SLCO3A1: variants seen among roughly 807,000 people sequenced by gnomAD.
SLCO3A1 encodes solute carrier organic anion transporter family member 3A1.
Under a neutral mutation model 63.1 loss-of-function variants are expected in SLCO3A1, and 27 were observed. That is an observed-to-expected ratio of 0.43 (90% CI 0.32 to 0.59). The LOEUF is 0.59. Ranked by LOEUF, SLCO3A1 falls within the 20% of genes least tolerant of loss-of-function variation. The pLI is 0.09. For synonymous variants in SLCO3A1, 473 were observed against 409.9 expected, an observed-to-expected ratio of 1.15 and a Z score of -1.86; for missense variants, 773 against 945.8, an observed-to-expected ratio of 0.82 and a Z score of 2.40.
intron 2 of SLCO3A1, among the ~76,000 whole-genome samples, chr15:92,091,955 G>T (rs2047482856): frequency 1.3e-5 from 2 of 152,200 alleles, no homozygotes; most frequent in African/African-American, 4.8e-5. Flanking sequence ...GCTGCCTCAG[G>T]GTGTGGTGTC....
chr15:92,026,791 G>A (rs894749130), intron 2 of SLCO3A1, among the ~76,000 whole-genome samples: 1 of 152,096 alleles, frequency 6.6e-6, no homozygotes, highest in African/African-American at 2.4e-5. Context: ...CCCACCAAAT[G>A]TCTAGCATAG....
At chr15:91,970,452 C>A (rs958336368) in intron 2 of SLCO3A1, among the ~76,000 whole-genome samples, 19 of 152,126 alleles carry the variant, frequency 1.2e-4, no homozygotes, top group African/African-American at 4.6e-4. Flanking sequence ...TTGTGGAGTC[C>A]TCTCCTTTCT....
intron 2 of SLCO3A1, among the ~76,000 whole-genome samples, chr15:91,959,372 A>G (rs1331742681): frequency 1.3e-5 from 2 of 152,100 alleles, no homozygotes; most frequent in Admixed American, 1.3e-4. Context: ...AGAACTGACC[A>G]CTAAAGAACT....
intron 9 of SLCO3A1, 42 bp downstream of exon 9, chr15:92,151,056 C>T (rs765764666): frequency 3.7e-6 from 5 of 1,335,660 alleles, no homozygotes; most frequent in East Asian, 4.6e-5. Flanking sequence ...GAATTGGATG[C>T]TTATTACTAG....
At chr15:92,096,011 A>G (rs1308987598) in intron 3 of SLCO3A1, among the ~76,000 whole-genome samples, 2 of 152,246 alleles carry the variant, frequency 1.3e-5, no homozygotes, top group African/African-American at 4.8e-5. Flanking sequence ...CTAAAACAGC[A>G]GACATTTCTT....
chr15:92,002,312 G>C (rs1409236511), intron 2 of SLCO3A1, among the ~76,000 whole-genome samples: 1 of 152,162 alleles, frequency 6.6e-6, no homozygotes, highest in Non-Finnish European at 1.5e-5. Flanking sequence ...TCCTTGGCCT[G>C]AGAGAGCAAG....
At chr15:91,889,109 T>C (rs1429757933) in intron 1 of SLCO3A1, 22 of 1,239,382 alleles carry the variant, frequency 1.8e-5, no homozygotes, top group Admixed American at 1.3e-4. Context: ...AGAATAAATA[T>C]ATTCCAGCTA....
intron 1 of SLCO3A1, among the ~76,000 whole-genome samples, chr15:91,915,781 C>G (rs373217618): frequency 2.6e-5 from 4 of 152,090 alleles, no homozygotes; most frequent in Non-Finnish European, 5.9e-5. Flanking sequence ...AAAGTGAATT[C>G]GTTAACTGAA....
chr15:91,979,696 C>A (rs2045959358), intron 2 of SLCO3A1, among the ~76,000 whole-genome samples: 1 of 152,196 alleles, frequency 6.6e-6, no homozygotes, highest in South Asian at 2.1e-4. Flanking sequence ...CATTAAACCT[C>A]CTCTAAAACC....
intron 2 of SLCO3A1, among the ~76,000 whole-genome samples, chr15:91,944,229 T>C (rs1253144794): frequency 1.5e-5 from 1 of 65,878 alleles, no homozygotes; most frequent in Non-Finnish European, 3.4e-5. Flanking sequence ...ATTTGTATGA[T>C]TACCATATCC....
chr15:92,138,564 G>A (rs1251759947), intron 7 of SLCO3A1, among the ~76,000 whole-genome samples: 2 of 99,450 alleles, frequency 2.0e-5, no homozygotes, highest in Admixed American at 2.3e-4. Flanking sequence ...ATTACCTTGG[G>A]CAGTATGGCC....
chr15:92,025,327 T>G (rs954027511), intron 2 of SLCO3A1, among the ~76,000 whole-genome samples: 3 of 152,108 alleles, frequency 2.0e-5, no homozygotes, highest in Non-Finnish European at 4.4e-5. Context: ...CTCCTAAATT[T>G]TAAGTTCTTA....
chr15:91,889,037 A>G, intron 1 of SLCO3A1: 3 of 741,480 alleles, frequency 4.0e-6, no homozygotes, highest in Non-Finnish European at 5.4e-6. Context: ...AAAAACCAAA[A>G]AAAAAAAACC....
At chr15:91,866,540 G>C (rs919471497) in intron 1 of SLCO3A1, among the ~76,000 whole-genome samples, 2 of 149,366 alleles carry the variant, frequency 1.3e-5, no homozygotes, top group Non-Finnish European at 3.0e-5. Context: ...GGAGTGATAT[G>C]GTTCCCAGAA....
chr15:92,020,948 G>T (rs2046501482), intron 2 of SLCO3A1, among the ~76,000 whole-genome samples: 1 of 152,208 alleles, frequency 6.6e-6, no homozygotes, highest in Non-Finnish European at 1.5e-5. Context: ...TGGCTTCATT[G>T]TTGTGTGATC....
At chr15:92,056,631 A>G (rs2047025090) in intron 2 of SLCO3A1, among the ~76,000 whole-genome samples, 2 of 152,210 alleles carry the variant, frequency 1.3e-5, no homozygotes, top group Non-Finnish European at 2.9e-5. Flanking sequence ...CATGTTCCCT[A>G]TAATTTCCCT....
At chr15:92,157,763 CA>C (rs1488883992) in intron 9 of SLCO3A1, among the ~76,000 whole-genome samples, 1 of 152,164 alleles carries the variant, frequency 6.6e-6, no homozygotes, top group Non-Finnish European at 1.5e-5. Context: ...GAACAAAAGC[CA>C]AACAGCAGCA....
At chr15:91,904,586 T>C (rs1045300069) in intron 1 of SLCO3A1, among the ~76,000 whole-genome samples, 10 of 152,326 alleles carry the variant, frequency 6.6e-5, no homozygotes, top group Admixed American at 5.9e-4. Flanking sequence ...GTGCCTGAGA[T>C]ACACTAAAAT....
intron 2 of SLCO3A1, among the ~76,000 whole-genome samples, chr15:91,973,357 G>A (rs1403846942): frequency 6.6e-6 from 1 of 152,184 alleles, no homozygotes; most frequent in Non-Finnish European, 1.5e-5. Flanking sequence ...CAGGCACAGC[G>A]AGGTTACCTG....
Sources: allele counts gnomAD v4.1 joint callset (sites outside exome capture counted in the v4.1 genomes callset), GRCh38; gene constraint gnomAD v4.1.1; transcripts MANE v1.5; gene names NCBI Gene and HGNC (gene_info 2026-07-23, HGNC 2026-07-21).